Variants in STAU2 observed in about 807,000 individuals in gnomAD.
STAU2 encodes staufen double-stranded RNA binding protein 2, also known as double-stranded RNA-binding protein Staufen homolog 2.
Under a neutral mutation model 65.9 loss-of-function variants are expected in STAU2, and 20 were observed. The observed-to-expected ratio is 0.30, with a 90% CI of 0.21 to 0.44. STAU2 has a LOEUF of 0.44. STAU2 is among the 20% of genes least tolerant of loss of function. The probability of loss-of-function intolerance (pLI) is 1.00; values close to 1 mark genes in which losing one functional copy is unlikely to be tolerated. For synonymous variants in STAU2, 232 were observed against 233.9 expected, an observed-to-expected ratio of 0.99 and a Z score of 0.07; for missense variants, 558 against 683.9, an observed-to-expected ratio of 0.82 and a Z score of 2.05.
chr8:73,641,685 TAAAGA>T (rs1049313773), intron 6 of STAU2, among the ~76,000 whole-genome samples: 10 of 152,234 alleles, frequency 6.6e-5, no homozygotes, highest in South Asian at 2.1e-4. Flanking sequence ...AGTTCCGCAG[TAAAGA>T]AAACTGTTGG....
chr8:73,474,923 A>G (rs1302135119), intron 13 of STAU2, among the ~76,000 whole-genome samples: 1 of 152,240 alleles, frequency 6.6e-6, no homozygotes, highest in Non-Finnish European at 1.5e-5. Flanking sequence ...ACATAACTGA[A>G]TATTATACAG....
In STAU2 at chr8:73,421,502, G is replaced by A. The variant is rs925169259; in HGVS notation, c.1620-37C>T. ...ATACATTAACAAGAGCTGAAGGCCT[G>A]GGGTTGCACATCTTCAGACATGTTT... On this transcript the variant is annotated intron_variant, in intron 14 of 14. Transcript: ENST00000524300. 2.6e-6 allele frequency: 4 copies of A among 1,531,076 alleles called. No homozygotes were observed. The African/African-American group carries it at 5.5e-5, about 21-fold the overall frequency. 94.8% of individuals were successfully genotyped at this position (1,531,076 alleles called of 1,614,324 possible). A position where few individuals can be genotyped will look rare whatever the true frequency, so the allele number is the denominator to read the frequency against.
intron 13 of STAU2, among the ~76,000 whole-genome samples, chr8:73,431,704 A>G (rs562958435): frequency 1.3e-5 from 2 of 152,310 alleles, no homozygotes; most frequent in African/African-American, 4.8e-5. Context: ...CATGATGCCA[A>G]TAAGATACTT....
At chr8:73,462,238 C>T (rs1227644623) in intron 13 of STAU2, among the ~76,000 whole-genome samples, 3 of 151,786 alleles carry the variant, frequency 2.0e-5, no homozygotes, top group African/African-American at 7.3e-5. Flanking sequence ...TGCCACCACG[C>T]CCAGCTAATT....
At chr8:73,621,366 C>T (rs529188318) in intron 6 of STAU2, among the ~76,000 whole-genome samples, 55 of 152,288 alleles carry the variant, frequency 3.6e-4, no homozygotes, top group Admixed American at 3.4e-3. Context: ...CCTCCCCAGC[C>T]ATGCAGAACT....
intron 13 of STAU2, chr8:73,527,646 C>T (rs942210865): frequency 3.6e-5 from 52 of 1,447,730 alleles, no homozygotes; most frequent in Non-Finnish European, 4.9e-5. Context: ...CCTTCCATTT[C>T]CGAGCTGGGC....
intron 5 of STAU2, among the ~76,000 whole-genome samples, chr8:73,674,703 T>TTA (rs1554561313): frequency 3.4e-5 from 5 of 149,042 alleles, no homozygotes; most frequent in South Asian, 2.1e-4. Context: ...TAAAATTATT[T>TTA]TATATATATA....
intron 13 of STAU2, among the ~76,000 whole-genome samples, chr8:73,486,946 C>T (rs960423790): frequency 6.6e-6 from 1 of 152,054 alleles, no homozygotes; most frequent in Non-Finnish European, 1.5e-5. Flanking sequence ...AGCCACTGTG[C>T]CCCACCTCAT....
chr8:73,723,827 C>T (rs747314070), intron 3 of STAU2, among the ~76,000 whole-genome samples: 10 of 152,136 alleles, frequency 6.6e-5, no homozygotes, highest in East Asian at 3.8e-4. Flanking sequence ...TCAATTTTGA[C>T]GGAAGATTCT....
chr8:73,693,230 T>C (rs1024845889), intron 4 of STAU2, among the ~76,000 whole-genome samples: 3 of 152,080 alleles, frequency 2.0e-5, no homozygotes, highest in Non-Finnish European at 4.4e-5. Flanking sequence ...TCCCAGCACT[T>C]TGGGAGGCCG....
chr8:73,657,863 A>C (rs1217539321), intron 6 of STAU2, among the ~76,000 whole-genome samples: 1 of 151,854 alleles, frequency 6.6e-6, no homozygotes, highest in Non-Finnish European at 1.5e-5. Flanking sequence ...AAAATACAAA[A>C]ATTAGCTGGG....
intron 3 of STAU2, among the ~76,000 whole-genome samples, chr8:73,733,155 C>A (rs911612377): frequency 2.0e-5 from 3 of 152,110 alleles, no homozygotes; most frequent in East Asian, 3.9e-4. Flanking sequence ...TTCAGTTAGG[C>A]CTTAAAGCTT....
chr8:73,552,380 A>C (rs775646925), intron 12 of STAU2, 61 bp from the exon 13 acceptor site: 19 of 1,420,826 alleles, frequency 1.3e-5, no homozygotes, highest in Middle Eastern at 2.2e-4. Context: ...GAAACATAGC[A>C]TTATTAACTC....
intron 5 of STAU2, among the ~76,000 whole-genome samples, chr8:73,679,270 A>G (rs1409401719): frequency 1.3e-5 from 2 of 152,196 alleles, no homozygotes; most frequent in South Asian, 2.1e-4. Context: ...AAAATGATGG[A>G]TATCAGGCAG....
At chr8:73,425,477 C>T (rs1816742890) in intron 13 of STAU2, among the ~76,000 whole-genome samples, 1 of 152,140 alleles carries the variant, frequency 6.6e-6, no homozygotes, top group Non-Finnish European at 1.5e-5. Context: ...GCCCTGCCAG[C>T]ACCTTGATCT....
chr8:73,565,965 G>A (rs990127984), intron 12 of STAU2, among the ~76,000 whole-genome samples: 3 of 151,732 alleles, frequency 2.0e-5, no homozygotes, highest in Non-Finnish European at 4.4e-5. Flanking sequence ...TTTTTTTAGT[G>A]GTAAAGCAAA....
chr8:73,720,243 C>A (rs1821543234), intron 3 of STAU2, among the ~76,000 whole-genome samples: 1 of 144,334 alleles, frequency 6.9e-6, no homozygotes, highest in Non-Finnish European at 1.5e-5. Context: ...TGCTCTCCAG[C>A]CTGGGCGACA....
intron 1 of STAU2, among the ~76,000 whole-genome samples, chr8:73,745,761 G>A (rs1044339791): frequency 6.6e-6 from 1 of 152,068 alleles, no homozygotes; most frequent in Non-Finnish European, 1.5e-5. Flanking sequence ...GTGGGGATGG[G>A]GGTAAGGGGA....
intron 12 of STAU2, among the ~76,000 whole-genome samples, chr8:73,566,294 C>G (rs1482493376): frequency 1.3e-5 from 2 of 152,048 alleles, no homozygotes; most frequent in Admixed American, 1.3e-4. Flanking sequence ...TTTTTTAAAT[C>G]TTAAGAAAAA....
Sources: gnomAD v4.1 joint callset for allele counts (sites outside exome capture counted in the v4.1 genomes callset) on GRCh38, gnomAD v4.1.1 for gene constraint, MANE v1.5 for transcripts, NCBI Gene and HGNC (gene_info 2026-07-23, HGNC 2026-07-21) for gene names.